The following OTUD7B variants were observed in gnomAD, a reference collection of about 807,000 sequenced individuals.
OTUD7B encodes the protein OTU deubiquitinase 7B.
OTUD7B carries 34 observed loss-of-function variants against 82.2 expected under a neutral mutation model. That is an observed-to-expected ratio of 0.41 (90% CI 0.31 to 0.55). The LOEUF (loss-of-function observed/expected upper bound fraction) is 0.55, where lower values mean the gene tolerates loss of function less well. OTUD7B is among the 20% of genes least tolerant of loss of function. The pLI is 0.20. For synonymous variants in OTUD7B, 398 were observed against 402.7 expected (o/e 0.99, Z 0.14); for missense variants, 944 against 1,062.1 (o/e 0.89, Z 1.55).
At chr1:150,031,948 C>CTTTAAA in the OTUD7B span, among the ~76,000 whole-genome samples, 3 of 152,158 alleles carry the variant, frequency 2.0e-5, no homozygotes, top group African/African-American at 7.2e-5. Context: ...TAACTATAAA[C>CTTTAAA]ACACATACTT....
At chr1:149,959,663 C>A (rs1447975335) in intron 7 of OTUD7B, 21 bp downstream of exon 7, 1 of 1,472,278 alleles carries the variant, frequency 6.8e-7, no homozygotes, top group East Asian at 2.3e-5. Context: ...GTTTCCTCCT[C>A]CCCTACTTAG....
chr1:150,039,388 T>TTG, the OTUD7B span, among the ~76,000 whole-genome samples: 19,453 of 55,646 alleles, frequency 0.35, 1,428 homozygotes, highest in Middle Eastern at 0.55. Flanking sequence ...AAAAAAAAAA[T>TTG]TTTTTTTGAG....
At position 149,957,547 on chromosome 1, in the gene OTUD7B, C is replaced by T. The variant is rs587674724; in HGVS notation, c.845+2137G>A. Among the ~76,000 whole-genome samples the T allele has an allele frequency of 6.6e-4, 101 of 152,344 alleles. 1 individual carries two copies. The highest frequency in any genetic ancestry group is 2.4e-3 in the African/African-American group (100 of 41,578). On this transcript the variant is annotated intron_variant, in intron 7 of 11. Coordinates refer to ENST00000581312, the MANE Select transcript of OTUD7B (RefSeq NM_020205.4). ...CTCAAACCGCGTGCTGGGAGAACCA[C>T]TACTCTCTTCAAAGCTGTCAGACAG...
upstream of OTUD7B, among the ~76,000 whole-genome samples, chr1:150,015,290 C>CTCTTTT (rs1653232440): frequency 7.0e-5 from 9 of 128,976 alleles, 1 homozygote; most frequent in Admixed American, 6.0e-4. Flanking sequence ...TTTTCTTTCT[C>CTCTTTT]TTTTTTTTTT....
chr1:150,032,051 C>A, the OTUD7B span, among the ~76,000 whole-genome samples: 2 of 152,216 alleles, frequency 1.3e-5, no homozygotes, highest in African/African-American at 4.8e-5. Context: ...TGGCTCATGC[C>A]TGTAATCCCA....
intron 1 of OTUD7B, among the ~76,000 whole-genome samples, chr1:150,003,161 A>G (rs1268236613): frequency 2.0e-5 from 3 of 151,564 alleles, no homozygotes; most frequent in African/African-American, 7.3e-5. Flanking sequence ...GAGGCAGGAG[A>G]ATGGCGTGAA....
the OTUD7B span, among the ~76,000 whole-genome samples, chr1:150,047,268 C>T: frequency 6.6e-6 from 1 of 152,104 alleles, no homozygotes; most frequent in African/African-American, 2.4e-5. Context: ...TATCTTATTC[C>T]TTTAACATCC....
Position 149,986,273 on chromosome 1 carries a change from A to ACACACACACACG in OTUD7B, c.-66-8698_-66-8697insCGTGTGTGTGTG, listed in dbSNP as rs1228786112. 6.5e-3 allele frequency among the ~76,000 whole-genome samples: 982 copies of ACACACACACACG among 151,282 alleles called. 16 individuals carry two copies. Among genetic ancestry groups the ACACACACACACG allele is most frequent in the African/African-American group, 0.023 (932 of 41,060 alleles). ...CACACACACACACACACACACACAC[A>ACACACACACACG]GTACTGTTGATAGTCTATCAGTGTT... On this transcript the variant is annotated intron_variant, in intron 1 of 11. Transcript: ENST00000581312.
chr1:149,987,569 C>CG (rs1651240377), intron 1 of OTUD7B, among the ~76,000 whole-genome samples: 2 of 152,218 alleles, frequency 1.3e-5, no homozygotes, highest in Non-Finnish European at 2.9e-5. Flanking sequence ...AAATCCTCAA[C>CG]AATTGTCAGT....
At chr1:150,011,094 T>C (rs1427939441), upstream of OTUD7B, among the ~76,000 whole-genome samples, 1 of 152,154 alleles carries the variant, frequency 6.6e-6, no homozygotes, top group East Asian at 1.9e-4. Flanking sequence ...ACTGACATTC[T>C]AGTAACTCTA....
intron 7 of OTUD7B, among the ~76,000 whole-genome samples, chr1:149,951,022 G>A (rs1190304541): frequency 6.4e-5 from 6 of 93,348 alleles, no homozygotes; most frequent in African/African-American, 2.1e-4. Flanking sequence ...TCACTCTTTC[G>A]CCCAGACTGG....
the OTUD7B span, among the ~76,000 whole-genome samples, chr1:150,019,599 T>C: frequency 6.6e-6 from 1 of 152,170 alleles, no homozygotes; most frequent in Non-Finnish European, 1.5e-5. Context: ...ACTCCTGAAC[T>C]CGGTGATCCA....
chr1:150,006,893 C>T (rs1211398691), intron 1 of OTUD7B, among the ~76,000 whole-genome samples: 2 of 152,328 alleles, frequency 1.3e-5, no homozygotes, highest in Non-Finnish European at 2.9e-5. Context: ...TCACAATGTA[C>T]GGATGCCTGC....
intron 7 of OTUD7B, among the ~76,000 whole-genome samples, chr1:149,955,573 C>G (rs1648607250): frequency 6.6e-6 from 1 of 152,166 alleles, no homozygotes; most frequent in Non-Finnish European, 1.5e-5. Flanking sequence ...TGGTGCAGAG[C>G]TGAGTTCAAG....
the OTUD7B span, among the ~76,000 whole-genome samples, chr1:150,024,370 T>C: frequency 3.3e-5 from 5 of 152,158 alleles, no homozygotes; most frequent in African/African-American, 1.2e-4. Context: ...CTCACAGACT[T>C]ATGAGGGGAC....
In OTUD7B at chr1:149,949,819, T is replaced by G. The variant is rs1355537449; in HGVS notation, c.974-41A>C. The G allele has an allele frequency of 4.4e-6, 7 of 1,589,210 alleles. No individual in the cohort carries two copies. The African/African-American group carries it at 9.4e-5, about 21-fold the overall frequency. On this transcript the variant is annotated intron_variant, in intron 8 of 11. Transcript: ENST00000581312. ...AAGATTATTATGAAGGCTGTGTTTC[T>G]GCCTAGTGGACAATCCCTACATCCC...
intron 1 of OTUD7B, among the ~76,000 whole-genome samples, chr1:149,982,039 C>G (rs1650772617): frequency 6.6e-6 from 1 of 152,086 alleles, no homozygotes; most frequent in Non-Finnish European, 1.5e-5. Flanking sequence ...GTCCCAGCTA[C>G]CCGGGAGGCT....
At position 149,949,056 on chromosome 1, in the gene OTUD7B, T is replaced by C. The variant is rs1553772749; in HGVS notation, c.1151A>G (p.Tyr384Cys). Reference protein sequence around the residue: ...QAVIPLTDSEYKLLPLHFAVD... With the variant: ...QAVIPLTDSECKLLPLHFAVD... Reference sequence around the variant, plus strand: ...AGCAAAGTGCAAGGGCAGCAGCTTATACTCTGAATCTGTAAGTGGGATCAC... The same window carrying C: ...AGCAAAGTGCAAGGGCAGCAGCTTACACTCTGAATCTGTAAGTGGGATCAC... The change falls in exon 10 of 12, where the codon TAT (tyrosine) becomes TGT (cysteine). Residue 384 changes from tyrosine to cysteine, a missense_variant. Tyr to Cys is a radical substitution (Grantham distance 194). Around this residue, in one of 3 missense-constraint regions of OTUD7B, gnomAD observed 530 missense variants for 625.6 expected, o/e 0.85. Coordinates refer to ENST00000581312, the MANE Select transcript of OTUD7B (RefSeq NM_020205.4). 2 of 1,613,260 alleles carry C rather than the reference T, an allele frequency of 1.2e-6. No homozygotes were observed. The highest frequency in any genetic ancestry group is 1.7e-6 in the Non-Finnish European group (2 of 1,179,156).
At chr1:149,994,606 A>AAAAAAAC (rs1447768451) in intron 1 of OTUD7B, among the ~76,000 whole-genome samples, 1 of 96,720 alleles carries the variant, frequency 1.0e-5, no homozygotes, top group Non-Finnish European at 1.9e-5. Context: ...AAAAAAAAAA[A>AAAAAAAC]CCCAATTTTT....
Sources: gnomAD v4.1 joint callset for allele counts (sites outside exome capture counted in the v4.1 genomes callset) on GRCh38, gnomAD v4.1.1 for gene constraint, gnomAD v4.1.1 regional missense constraint, MANE v1.5 for transcripts, NCBI Gene and HGNC (gene_info 2026-07-23, HGNC 2026-07-21) for gene names.